The following USP24 variants were observed in gnomAD, a reference collection of about 807,000 sequenced individuals.
USP24 encodes the protein ubiquitin carboxyl-terminal hydrolase 24.
In USP24, 97 loss-of-function variants were observed where a neutral mutation model predicts 361.6. That is an observed-to-expected ratio of 0.27 (90% CI 0.23 to 0.32). USP24 has a LOEUF of 0.32. USP24 is among the 10% of genes least tolerant of loss of function. The probability of loss-of-function intolerance (pLI) is 1.00; values close to 1 mark genes in which losing one functional copy is unlikely to be tolerated. For missense variants in USP24, 2,353 were observed against 3,165.6 expected, an observed-to-expected ratio of 0.74 and a Z score of 6.16; for synonymous variants, 1,098 against 1,124.6, an observed-to-expected ratio of 0.98 and a Z score of 0.47.
chr1:55,163,035 G>T (rs1648457254), intron 7 of USP24, among the ~76,000 whole-genome samples: 1 of 151,750 alleles, frequency 6.6e-6, no homozygotes, highest in African/African-American at 2.4e-5. Flanking sequence ...CAAATAATAA[G>T]GAAAAGAGAG....
At chr1:55,155,434 C>T (rs1339894483) in intron 12 of USP24, among the ~76,000 whole-genome samples, 1 of 152,176 alleles carries the variant, frequency 6.6e-6, no homozygotes, top group Non-Finnish European at 1.5e-5. Context: ...CACATAGAGT[C>T]ATTCATTGAA....
At chr1:55,187,684 A>G (rs1644171002) in intron 1 of USP24, among the ~76,000 whole-genome samples, 1 of 152,178 alleles carries the variant, frequency 6.6e-6, no homozygotes. Flanking sequence ...TAAAGAGAAT[A>G]ATTTCATTTA....
chr1:55,205,328 G>T (rs147503147), intron 1 of USP24, among the ~76,000 whole-genome samples: 335 of 152,294 alleles, frequency 2.2e-3, no homozygotes, highest in African/African-American at 7.8e-3. Flanking sequence ...AATGCTGTGA[G>T]ATATGGGGGC....
At chr1:55,121,630 G>A in intron 36 of USP24, 124 bp from the exon 37 acceptor site, 1 of 744,962 alleles carries the variant, frequency 1.3e-6, no homozygotes, top group Non-Finnish European at 2.2e-6. Context: ...CAATAATTCA[G>A]GACCTTTTAC....
chr1:55,209,070 A>G (rs1232194334), intron 1 of USP24, among the ~76,000 whole-genome samples: 2 of 152,200 alleles, frequency 1.3e-5, no homozygotes, highest in African/African-American at 2.4e-5. Context: ...GATAAAGAAA[A>G]TGAAAAATAC....
chr1:55,142,298 C>T (rs895763554), intron 23 of USP24, among the ~76,000 whole-genome samples: 2 of 152,050 alleles, frequency 1.3e-5, no homozygotes, highest in Non-Finnish European at 2.9e-5. Flanking sequence ...ACAAAGACAA[C>T]CAATACCACC....
intron 40 of USP24, among the ~76,000 whole-genome samples, chr1:55,106,559 CA>C (rs1459818566): frequency 1.3e-5 from 2 of 152,194 alleles, no homozygotes; most frequent in East Asian, 3.9e-4. Context: ...AAGGACACCA[CA>C]AGGCAGAATG....
rs780446656 is a variant in USP24 at position 55,125,382 on chromosome 1, C to T, written c.3898G>A (p.Val1300Met). The change falls in exon 34 of 68, where the codon GTG becomes ATG. Residue 1300 changes from valine to methionine, a missense_variant. Physicochemically the swap from Val to Met is conservative, Grantham distance 21 (BLOSUM62 1). Transcript: ENST00000294383. ...PEKSSYRQLS[V>M]SDRSSIRVEE... ...ACCCTAATAGAAGACCTATCAGACA[C>T]GGACAACTGTCGGTAGGATGACTTT... 21 of 1,613,864 alleles carry T rather than the reference C, an allele frequency of 1.3e-5. No homozygotes were observed. In the East Asian group the frequency reaches 2.9e-4, roughly 22 times the overall value.
chr1:55,093,955 C>G lies in USP24; in HGVS notation c.6336G>C (p.Met2112Ile), dbSNP rs557793302. ...GEKKGLFVEK[M>I]PARIYQMVRD... ...TTCTTACCTGGTATATTCGAGCAGG[C>G]ATTTTCTCCACAAACAGTCCTTTCT... Residue 2112 changes from methionine (M) to isoleucine (I), a missense_variant, in exon 52 of 68, where the codon ATG becomes ATC. Met to Ile is a conservative substitution (Grantham distance 10). Around this residue, in one of 8 missense-constraint regions of USP24, gnomAD observed 598 missense variants for 761.9 expected, o/e 0.78. Coordinates refer to ENST00000294383, the MANE Select transcript of USP24 (RefSeq NM_015306.3). 30 of 1,613,766 alleles carry G rather than the reference C, an allele frequency of 1.9e-5. No individual in the cohort carries two copies. Among genetic ancestry groups the G allele is most frequent in the Non-Finnish European group, 2.5e-5 (29 of 1,179,850 alleles).
In USP24 at chr1:55,098,526, T is replaced by C. The variant is rs998438214; in HGVS notation, c.5403A>G (p.Thr1801=). 1.2e-6 allele frequency: 2 copies of C among 1,612,714 alleles called. No individual in the cohort carries two copies. Among genetic ancestry groups the C allele is most frequent in the African/African-American group, 2.7e-5 (2 of 74,932 alleles). The change falls in exon 46 of 68, where the codon ACA becomes ACG. Residue 1801 remains threonine, a synonymous_variant. Coordinates refer to ENST00000294383, the MANE Select transcript of USP24 (RefSeq NM_015306.3). The part of the protein sequence containing the change: ...KMGRDQIFKN[T]FQGIYSDQKI... ...TCTGATCAGAGTAGATGCCCTGAAA[T>C]GTATTCTTAAAAATTTGGTCTCTCC...
chr1:55,181,825 T>TC (rs2100838401), intron 1 of USP24, among the ~76,000 whole-genome samples: 1 of 152,290 alleles, frequency 6.6e-6, no homozygotes, highest in Non-Finnish European at 1.5e-5. Flanking sequence ...GCCCTAACTC[T>TC]CAATGTGACT....
intron 37 of USP24, 80 bp downstream of exon 37, chr1:55,121,356 G>T: frequency 7.6e-7 from 1 of 1,321,136 alleles, no homozygotes; most frequent in Non-Finnish European, 1.1e-6. Context: ...CTGTATTCCC[G>T]ACAATGTCAC....
At position 55,094,560 on chromosome 1, in the gene USP24, A is replaced by G. The variant is rs544735801; in HGVS notation, c.6204-473T>C. On this transcript the variant is annotated intron_variant, in intron 51 of 67. Transcript: ENST00000294383. ...AGTCATATTTCTCACATGAAAAAGT[A>G]AACACTTTCCTGACCCAATATATTA... Among the ~76,000 whole-genome samples the G allele has an allele frequency of 4.6e-5, 7 of 152,320 alleles. No individual in the cohort carries two copies. The South Asian group carries it at 1.5e-3, about 32-fold the overall frequency.
chr1:55,125,771 G>GA lies in USP24; in HGVS notation c.3636-14dup. 4 of 1,542,630 alleles carry GA rather than the reference G, an allele frequency of 2.6e-6. No individual in the cohort carries two copies. The highest frequency in any genetic ancestry group is 2.5e-5 in the South Asian group (2 of 80,538). ...ATTTACAACCAAACTTCAAAAAGAA[G>GA]AAAAAAAGGCAGGATATTAAAGACT... On this transcript the variant is annotated splice_polypyrimidine_tract_variant and intron_variant, in intron 32 of 67. Transcript: ENST00000294383.
intron 19 of USP24, 147 bp downstream of exon 19, chr1:55,146,782 A>T (rs1647040256): frequency 4.8e-6 from 4 of 834,548 alleles, no homozygotes; most frequent in Non-Finnish European, 6.9e-6. Flanking sequence ...TATGTTATAT[A>T]AAACATTTTT....
At chr1:55,167,528 G>T (rs1351185118) in intron 5 of USP24, among the ~76,000 whole-genome samples, 2 of 152,120 alleles carry the variant, frequency 1.3e-5, no homozygotes, top group Non-Finnish European at 2.9e-5. Context: ...TTTTCAGGAA[G>T]AGAGTGTTTT....
At chr1:55,112,387 T>C (rs1428733659) in intron 38 of USP24, among the ~76,000 whole-genome samples, 2 of 152,230 alleles carry the variant, frequency 1.3e-5, no homozygotes, top group Non-Finnish European at 2.9e-5. Context: ...TGTAGATCTT[T>C]CCTGCTTTCT....
chr1:55,143,311 G>C (rs79494709), intron 21 of USP24, among the ~76,000 whole-genome samples, 192 bp from the exon 22 acceptor site: 4,566 of 152,258 alleles, frequency 0.03, 93 homozygotes, highest in Non-Finnish European at 0.046. Flanking sequence ...AACCACAGAA[G>C]CACTGGGCAA....
intron 64 of USP24, among the ~76,000 whole-genome samples, 155 bp downstream of exon 64, chr1:55,073,673 G>A (rs2100393099): frequency 6.6e-6 from 1 of 152,204 alleles, no homozygotes; most frequent in South Asian, 2.1e-4. Flanking sequence ...ATTTTTTTGA[G>A]ATCATGCAAA....
Sources: gnomAD v4.1 joint callset for allele counts (sites outside exome capture counted in the v4.1 genomes callset) on GRCh38, gnomAD v4.1.1 for gene constraint, gnomAD v4.1.1 regional missense constraint, MANE v1.5 for transcripts, NCBI Gene and HGNC (gene_info 2026-07-23, HGNC 2026-07-21) for gene names.